The following CYB5D2 variants were observed in gnomAD, a reference collection of about 807,000 sequenced individuals.
CYB5D2 encodes neuferricin.
In CYB5D2, 23 loss-of-function variants were observed where a neutral mutation model predicts 22.8. The ratio of observed to expected loss-of-function variants is 1.01; its 90% confidence interval spans 0.73 to 1.43. The LOEUF is 1.43. CYB5D2 is among the 40% of genes most tolerant of loss of function. The probability of loss-of-function intolerance (pLI) is 0.00; values close to 1 mark genes in which losing one functional copy is unlikely to be tolerated. For missense variants in CYB5D2, 373 were observed against 357.2 expected (o/e 1.04, Z -0.36); for synonymous variants, 170 against 152.2 (o/e 1.12, Z -0.86).
At position 4,143,604 on chromosome 17, in the gene CYB5D2, CG is replaced by C. The variant is rs2058919486; in HGVS notation, c.-151del. 6.4e-6 allele frequency: 7 copies of C among 1,100,168 alleles called. No individual in the cohort carries two copies. The Admixed American group carries it at 1.8e-4, about 28-fold the overall frequency. The allele number at this position is 1,100,168 out of a possible 1,614,324, so 68.2% of individuals were successfully genotyped here. On this transcript the variant is annotated 5_prime_UTR_variant, in exon 1 of 4. Coordinates refer to ENST00000301391, the MANE Select transcript of CYB5D2 (RefSeq NM_144611.4). ...GCCAGTGCCAGGAATACAGATAAAACGAGAGAGACTAAGGGAGGGAGCGCGA... is the reference window on the plus strand; with the variant it reads ...GCCAGTGCCAGGAATACAGATAAAACAGAGAGACTAAGGGAGGGAGCGCGA...
intron 1 of CYB5D2, among the ~76,000 whole-genome samples, chr17:4,144,375 T>A (rs1047426008): frequency 6.6e-6 from 1 of 152,078 alleles, no homozygotes; most frequent in Admixed American, 6.5e-5. Flanking sequence ...CCTCACAGTT[T>A]CCTTAATAAT....
rs1307155485 is a variant in CYB5D2, at chr17:4,143,211, G to A, written c.-545G>A. 4 of 296,072 alleles carry A rather than the reference G, an allele frequency of 1.4e-5. No individual in the cohort carries two copies. Among genetic ancestry groups the A allele is most frequent in the African/African-American group, 8.7e-5 (4 of 46,132 alleles). 18.3% of individuals were successfully genotyped at this position (296,072 alleles called of 1,614,324 possible). ...CCTCCGCTGCCGCCATCTTTGTTGGGGCTGACAACCTGCAAGCCAAGAAGT... is the reference window on the plus strand; with the variant it reads ...CCTCCGCTGCCGCCATCTTTGTTGGAGCTGACAACCTGCAAGCCAAGAAGT... On this transcript the variant is annotated 5_prime_UTR_variant, in exon 1 of 4. Coordinates refer to ENST00000301391, the MANE Select transcript of CYB5D2 (RefSeq NM_144611.4).
chr17:4,144,256 C>T (rs964893123), intron 1 of CYB5D2, among the ~76,000 whole-genome samples: 1 of 152,198 alleles, frequency 6.6e-6, no homozygotes. Context: ...TGTCTTCTGT[C>T]TCTTGTTACC....
At chr17:4,149,660 G>A (rs530190421) in intron 1 of CYB5D2, among the ~76,000 whole-genome samples, 7 of 152,300 alleles carry the variant, frequency 4.6e-5, no homozygotes, top group South Asian at 4.1e-4. Context: ...TTAGCCAGGC[G>A]TGGTGGCGGG....
chr17:4,154,700 G>C lies in CYB5D2; in HGVS notation c.418G>C (p.Glu140Gln), dbSNP rs2059093997. Residue 140 changes from glutamate to glutamine, a missense_variant, in exon 3 of 4, where the codon GAG (glutamate) becomes CAG (glutamine). By Grantham distance (29) the Glu-to-Gln change is conservative. Coordinates refer to ENST00000301391, the MANE Select transcript of CYB5D2 (RefSeq NM_144611.4). ...GAGGGTGACAGGACGGTTCTACGGA[G>C]AGGATGGGCTGCCCACCCCGGCACT... ...VGRVTGRFYG[E>Q]DGLPTPALTQ... is the part of the protein sequence containing the mutation. 1 of 1,614,188 alleles carries C rather than the reference G, an allele frequency of 6.2e-7. No homozygotes were observed. Among genetic ancestry groups the C allele is most frequent in the Non-Finnish European group, 8.5e-7 (1 of 1,180,022 alleles).
At chr17:4,155,978 AGT>A (rs2059109000) in intron 3 of CYB5D2, among the ~76,000 whole-genome samples, 1 of 152,366 alleles carries the variant, frequency 6.6e-6, no homozygotes, top group East Asian at 1.9e-4. Context: ...GAGAGGAACA[AGT>A]GCCGAAGGCA....
chr17:4,148,805 C>T (rs539178790), intron 1 of CYB5D2, among the ~76,000 whole-genome samples: 7 of 152,070 alleles, frequency 4.6e-5, no homozygotes, highest in Non-Finnish European at 7.4e-5. Flanking sequence ...GCCTGGGCGA[C>T]GAGCAAAATT....
At chr17:4,144,123 C>G in intron 1 of CYB5D2, 118 bp downstream of exon 1, 2 of 1,394,682 alleles carry the variant, frequency 1.4e-6, no homozygotes, top group Non-Finnish European at 9.6e-7. Context: ...CCACATCCAT[C>G]AAACCCGTGC....
chr17:4,144,165 T>C (rs563196973), intron 1 of CYB5D2, among the ~76,000 whole-genome samples, 160 bp downstream of exon 1: 8 of 152,274 alleles, frequency 5.3e-5, no homozygotes, highest in Non-Finnish European at 8.8e-5. Flanking sequence ...GCACTATCCT[T>C]CTAGGCTCTC....
intron 1 of CYB5D2, among the ~76,000 whole-genome samples, chr17:4,148,669 C>A (rs2059020192): frequency 6.6e-6 from 1 of 151,882 alleles, no homozygotes; most frequent in African/African-American, 2.4e-5. Flanking sequence ...ACTAAAAATA[C>A]AAAAATTAGC....
intron 2 of CYB5D2, among the ~76,000 whole-genome samples, chr17:4,154,293 AT>A (rs2059089293): frequency 6.6e-6 from 1 of 152,232 alleles, no homozygotes; most frequent in Admixed American, 6.5e-5. Flanking sequence ...TATAATAAAC[AT>A]TTAAAAAATG....
chr17:4,150,483 A>C lies in CYB5D2; in HGVS notation c.391+452A>C, dbSNP rs189870015. On this transcript the variant is annotated intron_variant, in intron 2 of 3. Coordinates refer to ENST00000301391, the MANE Select transcript of CYB5D2 (RefSeq NM_144611.4). ...TGTCTCCCAGGTGGTAGTTATGCTA[A>C]TCAAACCACTGTGTAGGTTACTGCA... is the stretch of plus-strand genomic sequence containing the variant. Among the ~76,000 whole-genome samples the C allele has an allele frequency of 4.9e-3, 748 of 152,352 alleles. 4 individuals carry two copies. Among genetic ancestry groups the C allele is most frequent in the African/African-American group, 0.018 (728 of 41,582 alleles).
chr17:4,149,794 G>A lies in CYB5D2; in HGVS notation c.251-97G>A, dbSNP rs1219316927. On this transcript the variant is annotated intron_variant, in intron 1 of 3. Coordinates refer to ENST00000301391, the MANE Select transcript of CYB5D2 (RefSeq NM_144611.4). ...AGCCTGGGCAACAGAGTGCGACTCC[G>A]TCTCAAAAAAAAAAGAAAAAGAAAG... 2.7e-5 allele frequency: 40 copies of A among 1,464,048 alleles called. No homozygotes were observed. In the East Asian group the frequency reaches 5.3e-4, roughly 19 times the overall value. The allele number at this position is 1,464,048 out of a possible 1,614,324, so 90.7% of individuals were successfully genotyped here.
At chr17:4,152,712 C>T (rs2059071415) in intron 2 of CYB5D2, among the ~76,000 whole-genome samples, 1 of 152,224 alleles carries the variant, frequency 6.6e-6, no homozygotes, top group Non-Finnish European at 1.5e-5. Context: ...GTGACTCGGG[C>T]CCTGATTCCT....
At chr17:4,144,447 A>G (rs8080327) in intron 1 of CYB5D2, among the ~76,000 whole-genome samples, 31,677 of 151,438 alleles carry the variant, frequency 0.21, 3,383 homozygotes, top group Middle Eastern at 0.25. Flanking sequence ...ACCCCTAAGC[A>G]TAGTGTTTTC....
At position 4,156,437 on chromosome 17, in the gene CYB5D2, A is replaced by G. The variant is rs186155876; in HGVS notation, c.579-429A>G. 4.3e-3 allele frequency among the ~76,000 whole-genome samples: 649 copies of G among 152,368 alleles called. 1 individual carries two copies. The highest frequency in any genetic ancestry group is 6.6e-3 in the Non-Finnish European group (447 of 68,030). ...GCCCACCCCCAGCCAAGTGCCCCAG[A>G]GAAGAAGGTGAAGACCCTGACCTGC... On this transcript the variant is annotated intron_variant, in intron 3 of 3. Transcript: ENST00000301391.
Position 4,157,323 on chromosome 17 carries a change from C to G in CYB5D2, c.*241C>G, listed in dbSNP as rs2059123250. The G allele has an allele frequency of 1.8e-6, 1 of 565,438 alleles. No homozygotes were observed. 35.0% of individuals were successfully genotyped at this position (565,438 alleles called of 1,614,324 possible). On this transcript the variant is annotated 3_prime_UTR_variant, in exon 4 of 4. Transcript: ENST00000301391. This position sits in a 1 kb window ranked among gnomAD's most constrained non-coding sequence, Gnocchi z 4.4. ...TTTCAACACTATTCCCTTTGACCTA[C>G]TGGCCATCTTCCTCACAGCCCTCAG...
At chr17:4,150,061 T>G (rs763682141) in intron 2 of CYB5D2, 30 bp downstream of exon 2, 2 of 1,612,482 alleles carry the variant, frequency 1.2e-6, no homozygotes, top group Admixed American at 3.3e-5. Flanking sequence ...TACATTTCAT[T>G]TGGTTGTCTG....
At chr17:4,153,619 G>A (rs1003340563) in intron 2 of CYB5D2, among the ~76,000 whole-genome samples, 1 of 152,220 alleles carries the variant, frequency 6.6e-6, no homozygotes, top group African/African-American at 2.4e-5. Context: ...GCTGACCAGA[G>A]AGCAGTTAGG....
Sources: gnomAD v4.1 joint callset for allele counts (sites outside exome capture counted in the v4.1 genomes callset) on GRCh38, gnomAD v4.1.1 for gene constraint, Gnocchi (gnomAD v3.1) non-coding constraint, MANE v1.5 for transcripts, NCBI Gene and HGNC (gene_info 2026-07-23, HGNC 2026-07-21) for gene names.